SLC24A4: variants seen among roughly 807,000 people sequenced by gnomAD.
SLC24A4 encodes sodium/potassium/calcium exchanger 4.
A neutral mutation model predicts 79.0 loss-of-function variants in SLC24A4; 53 were observed. The observed-to-expected ratio is 0.67, with a 90% confidence interval of 0.54 to 0.84. The LOEUF is 0.84. Among genes scored for constraint, SLC24A4 ranks in the 40% least tolerant of loss-of-function variants. The pLI, the probability that SLC24A4 is intolerant of heterozygous loss-of-function variation, is 0.00. For synonymous variants in SLC24A4, 323 were observed against 323.8 expected (o/e 1.00, Z 0.03); for missense variants, 731 against 822.0 (o/e 0.89, Z 1.35).
rs376436087 is a variant in SLC24A4 at position 92,343,580 on chromosome 14, T to TTTTCTTTCTTTCTTTC, written c.241+17648_241+17663dup. ...CAAGCTGCTCACTCATTAATTACTGTTTTCTTTCTTTCTTTCTTTCTTTCT... is the reference window on the plus strand; with the variant it reads ...CAAGCTGCTCACTCATTAATTACTGTTTTCTTTCTTTCTTTCTTTCTTTCTTTCTTTCTTTCTTTCT... On this transcript the variant is annotated intron_variant, in intron 2 of 16. Transcript: ENST00000532405. 1.1e-3 allele frequency among the ~76,000 whole-genome samples: 94 copies of TTTTCTTTCTTTCTTTC among 85,172 alleles called. 3 individuals are homozygous for TTTTCTTTCTTTCTTTC. Among genetic ancestry groups the TTTTCTTTCTTTCTTTC allele is most frequent in the East Asian group, 1.8e-3 (5 of 2,842 alleles). 55.9% of individuals were successfully genotyped at this position (85,172 alleles called of 152,430 possible).
At chr14:92,435,306 A>C (rs1375517499) in intron 3 of SLC24A4, among the ~76,000 whole-genome samples, 1 of 152,240 alleles carries the variant, frequency 6.6e-6, no homozygotes, top group Non-Finnish European at 1.5e-5. Context: ...CTACAACCCT[A>C]GCCAAGTCTG....
intron 2 of SLC24A4, among the ~76,000 whole-genome samples, chr14:92,424,010 C>T (rs1193028550): frequency 1.3e-5 from 2 of 152,182 alleles, no homozygotes; most frequent in Non-Finnish European, 2.9e-5. Flanking sequence ...GGCCTCTCTC[C>T]TGGCTGCCAG....
At chr14:92,440,620 G>T (rs1240626789) in intron 4 of SLC24A4, among the ~76,000 whole-genome samples, 1 of 152,056 alleles carries the variant, frequency 6.6e-6, no homozygotes, top group African/African-American at 2.4e-5. Context: ...TACAGTGGAG[G>T]TGCATGCACC....
intron 1 of SLC24A4, among the ~76,000 whole-genome samples, chr14:92,324,461 T>C (rs1270275963): frequency 6.6e-6 from 1 of 152,026 alleles, no homozygotes; most frequent in Non-Finnish European, 1.5e-5. Context: ...CCGCGGGGGG[T>C]AGCTGCCATG....
At chr14:92,379,988 A>G (rs1481669505) in intron 2 of SLC24A4, among the ~76,000 whole-genome samples, 1 of 152,122 alleles carries the variant, frequency 6.6e-6, no homozygotes, top group Non-Finnish European at 1.5e-5. Flanking sequence ...TCATTGGGGT[A>G]CTGGGGTAGT....
At chr14:92,388,187 G>A (rs192025587) in intron 2 of SLC24A4, among the ~76,000 whole-genome samples, 1 of 152,264 alleles carries the variant, frequency 6.6e-6, no homozygotes, top group East Asian at 1.9e-4. Context: ...GACACTCCCA[G>A]CCTCCCCTTG....
At chr14:92,322,964 A>T (rs1566682593), upstream of SLC24A4, among the ~76,000 whole-genome samples, 1 of 152,184 alleles carries the variant, frequency 6.6e-6, no homozygotes, top group Non-Finnish European at 1.5e-5. Flanking sequence ...TTGCAGCTCC[A>T]TATGGAAGAA....
chr14:92,474,587 C>T (rs575382285), intron 12 of SLC24A4, among the ~76,000 whole-genome samples: 70 of 151,400 alleles, frequency 4.6e-4, no homozygotes, highest in African/African-American at 1.6e-3. Context: ...CGGATTCAAG[C>T]GATTCTCCTG....
At chr14:92,454,708 T>C (rs1482545285) in intron 11 of SLC24A4, among the ~76,000 whole-genome samples, 1 of 152,238 alleles carries the variant, frequency 6.6e-6, no homozygotes, top group African/African-American at 2.4e-5. Flanking sequence ...AACACATAGA[T>C]TGTATGCAAG....
chr14:92,354,019 C>T (rs953800504), intron 2 of SLC24A4, among the ~76,000 whole-genome samples: 1 of 152,218 alleles, frequency 6.6e-6, no homozygotes, highest in African/African-American at 2.4e-5. Flanking sequence ...TTTTGTGTCC[C>T]TCCCATGAGG....
intron 2 of SLC24A4, among the ~76,000 whole-genome samples, chr14:92,358,779 G>C (rs138646127): frequency 0.052 from 7,776 of 149,866 alleles, 216 homozygotes; most frequent in South Asian, 0.093. Context: ...CTGCCTCCCA[G>C]GTTCAAGTGA....
At chr14:92,475,819 T>C (rs1894729775) in intron 12 of SLC24A4, among the ~76,000 whole-genome samples, 1 of 152,222 alleles carries the variant, frequency 6.6e-6, no homozygotes, top group South Asian at 2.1e-4. Flanking sequence ...TCTCACTATG[T>C]ACAGGAACTC....
intron 2 of SLC24A4, among the ~76,000 whole-genome samples, chr14:92,394,399 C>CT (rs1158022629): frequency 4.3e-4 from 65 of 152,006 alleles, no homozygotes; most frequent in African/African-American, 1.5e-3. Flanking sequence ...AGTTGAAGAC[C>CT]AGCCTGGGCA....
At chr14:92,480,286 C>CTTTTTTTTTTTTTTTTT (rs66533065) in intron 12 of SLC24A4, among the ~76,000 whole-genome samples, 2 of 63,126 alleles carry the variant, frequency 3.2e-5, no homozygotes, top group Admixed American at 2.9e-4. Flanking sequence ...AGATCTTTCC[C>CTTTTTTTTTTTTTTTTT]TTTTTTTTTT....
At chr14:92,365,144 C>T (rs949104655) in intron 2 of SLC24A4, among the ~76,000 whole-genome samples, 7 of 152,266 alleles carry the variant, frequency 4.6e-5, no homozygotes, top group African/African-American at 1.2e-4. Context: ...TCCCACTGCC[C>T]GGCTTCCTCA....
chr14:92,465,172 G>A (rs911877597), intron 12 of SLC24A4, among the ~76,000 whole-genome samples: 8 of 152,240 alleles, frequency 5.3e-5, no homozygotes, highest in Non-Finnish European at 1.0e-4. Flanking sequence ...TTCAGAGGCA[G>A]GGCAATATGC....
At chr14:92,338,944 GA>G (rs1325212508) in intron 2 of SLC24A4, among the ~76,000 whole-genome samples, 1 of 152,212 alleles carries the variant, frequency 6.6e-6, no homozygotes, top group Non-Finnish European at 1.5e-5. Context: ...TGCTTATAGC[GA>G]ATGATGACTG....
intron 11 of SLC24A4, 136 bp downstream of exon 11, chr14:92,454,205 C>T: frequency 1.2e-6 from 1 of 837,216 alleles, no homozygotes; most frequent in Non-Finnish European, 1.8e-6. Flanking sequence ...GAAGCCTGCC[C>T]ATCAGCCACA....
In SLC24A4 at chr14:92,342,255, A is replaced by G. The variant is rs1886186130; in HGVS notation, c.241+16277A>G. ...GTGCCTCCCCATCTTTTATGTGCACATGGTCACCTGGGGACCTAGTTAAAA... is the reference window on the plus strand; with the variant it reads ...GTGCCTCCCCATCTTTTATGTGCACGTGGTCACCTGGGGACCTAGTTAAAA... On this transcript the variant is annotated intron_variant, in intron 2 of 16. Transcript: ENST00000532405. Among the ~76,000 whole-genome samples, 5 of 141,140 alleles carry G rather than the reference A, an allele frequency of 3.5e-5. No homozygotes were observed. In the South Asian group the frequency reaches 1.0e-3, roughly 30 times the overall value. 92.6% of individuals were successfully genotyped at this position (141,140 alleles called of 152,430 possible). A position where few individuals can be genotyped will look rare whatever the true frequency, so the allele number is the denominator to read the frequency against.
Sources: gnomAD v4.1 joint callset for allele counts (sites outside exome capture counted in the v4.1 genomes callset) on GRCh38, gnomAD v4.1.1 for gene constraint, MANE v1.5 for transcripts, NCBI Gene and HGNC (gene_info 2026-07-23, HGNC 2026-07-21) for gene names.